GNPAT: variants seen among roughly 807,000 people sequenced by gnomAD.
The protein encoded by GNPAT is dihydroxyacetone phosphate acyltransferase.
A neutral mutation model predicts 78.4 loss-of-function variants in GNPAT; 30 were observed. That is an observed-to-expected ratio of 0.38 (90% confidence interval 0.29 to 0.52). The LOEUF (loss-of-function observed/expected upper bound fraction) is 0.52, where lower values mean the gene tolerates loss of function less well. Ranked by LOEUF, GNPAT falls within the 20% of genes least tolerant of loss-of-function variation. GNPAT has a pLI of 0.84. For missense variants in GNPAT, 714 were observed against 812.2 expected, an observed-to-expected ratio of 0.88 and a Z score of 1.47; for synonymous variants, 271 against 281.1, an observed-to-expected ratio of 0.96 and a Z score of 0.36.
In GNPAT at chr1:231,241,221, C is replaced by T; in HGVS notation, c.-158C>T. 2 of 1,527,624 alleles carry T rather than the reference C, an allele frequency of 1.3e-6. No individual in the cohort carries two copies. The highest frequency in any genetic ancestry group is 1.8e-6 in the Non-Finnish European group (2 of 1,105,640). 94.6% of individuals were successfully genotyped at this position (1,527,624 alleles called of 1,614,324 possible). ...GGGCCCTGCGCGGCTTCCGTCCTGG[C>T]TGAGATGGCGGCGCCCGGGATCCTG... is the stretch of plus-strand genomic sequence containing the variant. On this transcript the variant is annotated 5_prime_UTR_variant, in exon 1 of 16. Coordinates refer to ENST00000366647, the MANE Select transcript of GNPAT (RefSeq NM_014236.4).
intron 1 of GNPAT, among the ~76,000 whole-genome samples, chr1:231,250,385 T>C (rs536261663): frequency 1.2e-4 from 19 of 152,238 alleles, no homozygotes; most frequent in African/African-American, 3.8e-4. Context: ...AGCTATATAA[T>C]GGTGGCACTG....
rs1685761244 is a variant in GNPAT, at chr1:231,277,903, T to C, written c.*361T>C. On this transcript the variant is annotated 3_prime_UTR_variant, in exon 16 of 16. Coordinates refer to ENST00000366647, the MANE Select transcript of GNPAT (RefSeq NM_014236.4). ...TGACAACACTGAAAGCTCTGGATAT[T>C]AAAAGAAAATGAAAAGGGCATATCT... is the stretch of plus-strand genomic sequence containing the variant. 1.7e-5 allele frequency: 3 copies of C among 178,634 alleles called. No homozygotes were observed. The highest frequency in any genetic ancestry group is 4.7e-5 in the African/African-American group (2 of 42,326). 11.1% of individuals were successfully genotyped at this position (178,634 alleles called of 1,614,324 possible). A position where few individuals can be genotyped will look rare whatever the true frequency, so the allele number is the denominator to read the frequency against.
Position 231,266,038 on chromosome 1 carries a change from C to A in GNPAT, c.797C>A (p.Pro266Gln). The change falls in exon 7 of 16, where the codon CCA becomes CAA. Residue 266 changes from proline (P) to glutamine (Q), a missense_variant. By Grantham distance (76) the Pro-to-Gln change is moderately conservative. Transcript: ENST00000366647. ...KFGLLNIVME[P>Q]FFKREVFDTY... ...GGTCTTCTGAATATTGTGATGGAGCCATTTTTTAAAAGAGAAGTTTTTGAT... is the reference window on the plus strand; with the variant it reads ...GGTCTTCTGAATATTGTGATGGAGCAATTTTTTAAAAGAGAAGTTTTTGAT... The A allele has an allele frequency of 6.2e-7, 1 of 1,612,564 alleles. No homozygotes were observed. Among genetic ancestry groups the A allele is most frequent in the South Asian group, 1.1e-5 (1 of 91,028 alleles).
At position 231,277,583 on chromosome 1, in the gene GNPAT, C is replaced by T. The variant is rs943209354; in HGVS notation, c.*41C>T. 7.5e-6 allele frequency: 9 copies of T among 1,196,268 alleles called. No individual in the cohort carries two copies. In the African/African-American group the frequency reaches 1.2e-4, roughly 16 times the overall value. The allele number at this position is 1,196,268 out of a possible 1,614,324, so 74.1% of individuals were successfully genotyped here. ...TATGGAAAATTCGGTCACGTAATTACTCTCATCGAAGGACTCATTACAACA... is the reference window on the plus strand; with the variant it reads ...TATGGAAAATTCGGTCACGTAATTATTCTCATCGAAGGACTCATTACAACA... On this transcript the variant is annotated 3_prime_UTR_variant, in exon 16 of 16. Transcript: ENST00000366647.
intron 1 of GNPAT, among the ~76,000 whole-genome samples, chr1:231,246,728 A>G (rs1222671536): frequency 6.6e-6 from 1 of 152,254 alleles, no homozygotes; most frequent in Non-Finnish European, 1.5e-5. Context: ...GCACATAGGA[A>G]TCACTTGGAG....
At chr1:231,277,048 T>C (rs1243719232) in intron 15 of GNPAT, among the ~76,000 whole-genome samples, 1 of 151,992 alleles carries the variant, frequency 6.6e-6, no homozygotes, top group Non-Finnish European at 1.5e-5. Context: ...GGCAGTGGGG[T>C]AGTTGTTGCA....
Position 231,267,804 on chromosome 1 carries a change from C to T in GNPAT, c.1180C>T (p.Leu394Phe). The change falls in exon 9 of 16, where the codon CTT (leucine) becomes TTT (phenylalanine). Residue 394 changes from leucine (L) to phenylalanine (F), a missense_variant. By Grantham distance (22) the Leu-to-Phe change is conservative. Transcript: ENST00000366647. ...SPWTLIVAVLLQNRPSMDFDA... is the reference protein window; with the variant it reads ...SPWTLIVAVLFQNRPSMDFDA... ...CTGGACCCTAATAGTTGCTGTTCTG[C>T]TTCAGAACCGGCCATCCATGGACTT... The T allele has an allele frequency of 1.2e-6, 2 of 1,613,070 alleles. No homozygotes were observed. Among genetic ancestry groups the T allele is most frequent in the African/African-American group, 1.3e-5 (1 of 75,036 alleles).
chr1:231,272,170 C>A (rs1034098349), intron 10 of GNPAT, 142 bp from the exon 11 acceptor site: 6 of 641,472 alleles, frequency 9.4e-6, no homozygotes, highest in Middle Eastern at 4.2e-4. Flanking sequence ...AATTTAGCTT[C>A]CCTCAGGGGA....
intron 1 of GNPAT, among the ~76,000 whole-genome samples, chr1:231,249,150 G>A (rs376700208): frequency 9.9e-5 from 15 of 152,128 alleles, no homozygotes; most frequent in Admixed American, 3.3e-4. Flanking sequence ...TCTATAGAGC[G>A]CAAACTGATA....
chr1:231,250,163 C>T (rs867525159), intron 1 of GNPAT, among the ~76,000 whole-genome samples: 11 of 151,482 alleles, frequency 7.3e-5, no homozygotes, highest in South Asian at 2.1e-4. Flanking sequence ...CTTGAATGCC[C>T]GGCTTCAAGC....
At chr1:231,267,197 C>G (rs1039145756) in intron 8 of GNPAT, among the ~76,000 whole-genome samples, 1 of 152,168 alleles carries the variant, frequency 6.6e-6, no homozygotes, top group African/African-American at 2.4e-5. Context: ...CCAGCCAGCT[C>G]TGTGCAGGCC....
intron 11 of GNPAT, 58 bp downstream of exon 11, chr1:231,272,449 G>A: frequency 1.1e-6 from 1 of 927,436 alleles, no homozygotes; most frequent in Non-Finnish European, 1.8e-6. Context: ...AGAAATGTTA[G>A]GGGTGAATTC....
chr1:231,274,844 A>G (rs1008809382), intron 12 of GNPAT: 3 of 280,760 alleles, frequency 1.1e-5, no homozygotes. Flanking sequence ...ATCATCAAGT[A>G]TTTTAGGGCA....
intron 1 of GNPAT, 62 bp downstream of exon 1, chr1:231,241,518 A>G (rs1684604290): frequency 8.4e-7 from 1 of 1,196,226 alleles, no homozygotes; most frequent in South Asian, 1.2e-5. Flanking sequence ...CCTTTCTCCC[A>G]GTCCCTATTC....
intron 10 of GNPAT, 32 bp downstream of exon 10, chr1:231,271,032 G>T: frequency 1.9e-6 from 3 of 1,612,464 alleles, no homozygotes; most frequent in Non-Finnish European, 1.7e-6. Flanking sequence ...TTGACTTTTA[G>T]AAGAGGTCTG....
At chr1:231,276,439 C>T (rs1685719148) in intron 15 of GNPAT, among the ~76,000 whole-genome samples, 1 of 152,206 alleles carries the variant, frequency 6.6e-6, no homozygotes, top group African/African-American at 2.4e-5. Flanking sequence ...GAGTCAGTCC[C>T]TAACATGACT....
At chr1:231,262,595 G>A in intron 3 of GNPAT, 128 bp from the exon 4 acceptor site, 1 of 763,014 alleles carries the variant, frequency 1.3e-6, no homozygotes, top group South Asian at 1.5e-5. Flanking sequence ...TATGTGTATG[G>A]CAAAAAGGCA....
Position 231,265,399 on chromosome 1 carries a change from A to T in GNPAT, c.675A>T (p.Glu225Asp). 6.2e-7 allele frequency: 1 copy of T among 1,609,742 alleles called. No homozygotes were observed. The highest frequency in any genetic ancestry group is 8.5e-7 in the Non-Finnish European group (1 of 1,176,020). The change falls in exon 5 of 16, where the codon GAA (glutamate) becomes GAT (aspartate). Residue 225 changes from glutamate to aspartate, a missense_variant. Coordinates refer to ENST00000366647, the MANE Select transcript of GNPAT (RefSeq NM_014236.4). ...GNKLYWAVFSEYVKTMLRNGY... is the reference protein window; with the variant it reads ...GNKLYWAVFSDYVKTMLRNGY... ...AACTCTACTGGGCTGTATTCTCTGAATATGTAAAAACTATGTTACGGGTAA... is the reference window on the plus strand; with the variant it reads ...AACTCTACTGGGCTGTATTCTCTGATTATGTAAAAACTATGTTACGGGTAA...
intron 2 of GNPAT, among the ~76,000 whole-genome samples, chr1:231,255,394 C>T (rs185294950): frequency 5.3e-5 from 8 of 152,210 alleles, no homozygotes; most frequent in East Asian, 1.9e-4. Flanking sequence ...TCTTCCCCCT[C>T]GTCTACCTCT....
Sources: gnomAD v4.1 joint callset for allele counts (sites outside exome capture counted in the v4.1 genomes callset) on GRCh38, gnomAD v4.1.1 for gene constraint, MANE v1.5 for transcripts, NCBI Gene and HGNC (gene_info 2026-07-23, HGNC 2026-07-21) for gene names.